Variants in KCNIP4 observed in about 807,000 individuals in gnomAD.
The protein encoded by KCNIP4 is potassium voltage-gated channel interacting protein 4.
A neutral mutation model predicts 34.0 loss-of-function variants in KCNIP4; 12 were observed. That is an observed-to-expected ratio of 0.35 (90% CI 0.23 to 0.57). The LOEUF is 0.57. Ranked by LOEUF, KCNIP4 falls within the 20% of genes least tolerant of loss-of-function variation. KCNIP4 has a pLI of 0.83. For synonymous variants in KCNIP4, 124 were observed against 102.2 expected, an observed-to-expected ratio of 1.21 and a Z score of -1.29; for missense variants, 238 against 311.7, an observed-to-expected ratio of 0.76 and a Z score of 1.78.
chr4:21,850,114 A>C (rs1724282650), intron 1 of KCNIP4: 1 of 150,254 alleles, frequency 6.7e-6, no homozygotes, highest in South Asian at 2.1e-4. Context: ...AAATAACTTT[A>C]AAAGCTAAAT....
At chr4:21,640,235 G>A (rs879639108) in intron 1 of KCNIP4, among the ~76,000 whole-genome samples, 13 of 152,256 alleles carry the variant, frequency 8.5e-5, no homozygotes, top group Non-Finnish European at 5.9e-5. Context: ...TATCTTGGGC[G>A]ACTGAGGGCT....
chr4:21,045,386 A>G (rs1742343727), intron 1 of KCNIP4, among the ~76,000 whole-genome samples: 1 of 152,208 alleles, frequency 6.6e-6, no homozygotes, highest in Non-Finnish European at 1.5e-5. Flanking sequence ...CATGGACCAC[A>G]CTTTGAGAAG....
chr4:21,655,127 G>C (rs1747819219), intron 1 of KCNIP4, among the ~76,000 whole-genome samples: 1 of 152,050 alleles, frequency 6.6e-6, no homozygotes, highest in Admixed American at 6.6e-5. Context: ...CATCCAGAAG[G>C]CAGCAAGTAT....
At chr4:21,029,566 G>T (rs1740829687) in intron 1 of KCNIP4, among the ~76,000 whole-genome samples, 1 of 152,188 alleles carries the variant, frequency 6.6e-6, no homozygotes, top group Non-Finnish European at 1.5e-5. Flanking sequence ...TGCCAATTAG[G>T]TGGGTGGAAA....
chr4:21,142,150 C>CAAA (rs369182504), intron 1 of KCNIP4, among the ~76,000 whole-genome samples: 7 of 105,906 alleles, frequency 6.6e-5, no homozygotes, highest in Admixed American at 2.1e-4. Context: ...GACACCGTCT[C>CAAA]AAAAAAAAAA....
At chr4:21,051,572 C>CT (rs576394804) in intron 1 of KCNIP4, among the ~76,000 whole-genome samples, 10 of 151,064 alleles carry the variant, frequency 6.6e-5, no homozygotes, top group East Asian at 5.8e-4. Flanking sequence ...TTGTTTAGTT[C>CT]TTTTTTTTTA....
At chr4:21,128,392 A>G (rs1210640159) in intron 1 of KCNIP4, among the ~76,000 whole-genome samples, 3 of 152,232 alleles carry the variant, frequency 2.0e-5, no homozygotes, top group Non-Finnish European at 4.4e-5. Context: ...CACAGGAATC[A>G]TAAGTGTTCA....
chr4:21,569,417 G>A (rs1180633969), intron 1 of KCNIP4, among the ~76,000 whole-genome samples: 1 of 151,844 alleles, frequency 6.6e-6, no homozygotes, highest in African/African-American at 2.4e-5. Flanking sequence ...TATAAAGAAA[G>A]TACAGAACTT....
At chr4:21,192,486 C>A (rs1372782915) in intron 1 of KCNIP4, among the ~76,000 whole-genome samples, 1 of 152,068 alleles carries the variant, frequency 6.6e-6, no homozygotes, top group East Asian at 1.9e-4. Flanking sequence ...ATTAACAGAG[C>A]CTAATTACTC....
chr4:21,234,378 C>A (rs1420874011), intron 1 of KCNIP4, among the ~76,000 whole-genome samples: 1 of 121,152 alleles, frequency 8.3e-6, no homozygotes, highest in Non-Finnish European at 1.6e-5. Context: ...ATATAACATA[C>A]ATCATACATA....
intron 1 of KCNIP4, among the ~76,000 whole-genome samples, chr4:21,045,250 T>G (rs969688750): frequency 6.6e-6 from 1 of 152,182 alleles, no homozygotes; most frequent in Non-Finnish European, 1.5e-5. Context: ...CTGTTTTCAA[T>G]GCTCTCTAAA....
intron 1 of KCNIP4, among the ~76,000 whole-genome samples, chr4:21,309,224 AGG>A (rs995372040): frequency 2.6e-5 from 4 of 152,162 alleles, no homozygotes; most frequent in African/African-American, 7.2e-5. Context: ...AAGAAGAGAA[AGG>A]GGGCGAACTT....
At chr4:20,731,632 A>G (rs1042116685) in intron 8 of KCNIP4, 5 of 985,298 alleles carry the variant, frequency 5.1e-6, no homozygotes, top group African/African-American at 1.7e-5. Context: ...TTGGCTATCT[A>G]GGAATTCTAA....
chr4:20,760,737 C>G (rs1754892012), intron 3 of KCNIP4, among the ~76,000 whole-genome samples: 1 of 152,070 alleles, frequency 6.6e-6, no homozygotes, highest in Non-Finnish European at 1.5e-5. Flanking sequence ...GCTTGGAACT[C>G]TCCAGGTCAT....
chr4:21,891,063 T>C (rs988161642), intron 1 of KCNIP4, among the ~76,000 whole-genome samples: 1 of 152,108 alleles, frequency 6.6e-6, no homozygotes, highest in African/African-American at 2.4e-5. Context: ...GTATGGCCTG[T>C]GTTCCAAGGG....
intron 2 of KCNIP4, among the ~76,000 whole-genome samples, chr4:20,880,267 T>C (rs2149521550): frequency 1.3e-5 from 2 of 152,212 alleles, no homozygotes; most frequent in Admixed American, 1.3e-4. Context: ...CTTTCCAAAT[T>C]GACTGTCCTG....
intron 1 of KCNIP4, among the ~76,000 whole-genome samples, chr4:21,854,076 T>C (rs554962080): frequency 5.3e-5 from 8 of 152,196 alleles, no homozygotes; most frequent in East Asian, 1.9e-4. Flanking sequence ...ATAGCCCCAA[T>C]AGCACTCTGT....
At chr4:21,066,925 A>G (rs2108987108) in intron 1 of KCNIP4, among the ~76,000 whole-genome samples, 1 of 152,244 alleles carries the variant, frequency 6.6e-6, no homozygotes. Context: ...GCCGGGATGC[A>G]TGAGGGATGC....
intron 1 of KCNIP4, among the ~76,000 whole-genome samples, chr4:21,326,610 G>A (rs1715091539): frequency 1.3e-5 from 2 of 150,726 alleles, no homozygotes; most frequent in Admixed American, 1.3e-4. Flanking sequence ...TCTGTCTTTT[G>A]ATTGGATAAT....
Sources: allele counts gnomAD v4.1 joint callset (sites outside exome capture counted in the v4.1 genomes callset), GRCh38; gene constraint gnomAD v4.1.1; transcripts MANE v1.5; gene names NCBI Gene and HGNC (gene_info 2026-07-23, HGNC 2026-07-21).